The following TRMT9B variants were observed in gnomAD, a reference collection of about 807,000 sequenced individuals.
The protein encoded by TRMT9B is probable tRNA methyltransferase 9B.
Under a neutral mutation model 11.5 loss-of-function variants are expected in TRMT9B, and 16 were observed. The ratio of observed to expected loss-of-function variants is 1.39; its 90% CI spans 0.94 to 2.11. TRMT9B has a LOEUF of 2.11. Ranked by LOEUF, TRMT9B falls within the 30% of genes most tolerant of loss-of-function variation. The pLI is 0.00. For synonymous variants in TRMT9B, 274 were observed against 192.4 expected (o/e 1.42, Z -3.51); for missense variants, 941 against 553.8 (o/e 1.70, Z -7.02).
At chr8:12,992,379 G>A (rs969080553) in intron 2 of TRMT9B, among the ~76,000 whole-genome samples, 6 of 152,102 alleles carry the variant, frequency 3.9e-5, no homozygotes, top group African/African-American at 1.4e-4. Flanking sequence ...CTGGGGCCGG[G>A]CACAGTGGCT....
At chr8:12,968,899 CTTACACATAT>C (rs566312075) in intron 1 of TRMT9B, among the ~76,000 whole-genome samples, 183 of 152,288 alleles carry the variant, frequency 1.2e-3, no homozygotes, top group African/African-American at 4.2e-3. Context: ...TAAGCCTGCT[CTTACACATAT>C]TTATATAAAA....
In TRMT9B at chr8:13,021,088, C is replaced by T. The variant is rs772720165; in HGVS notation, c.409C>T (p.Leu137=). Residue 137 remains leucine (L), a synonymous_variant, in exon 5 of 5, where the codon CTG becomes TTG. Coordinates refer to ENST00000524591, the MANE Select transcript of TRMT9B (RefSeq NM_020844.3). ...CAGGGTCTTAGTTCCCGGAGGCCAACTGATGATTTACGTTTGGGCAATGGA... is the reference window on the plus strand; with the variant it reads ...CAGGGTCTTAGTTCCCGGAGGCCAATTGATGATTTACGTTTGGGCAATGGA... ...MARVLVPGGQ[L]MIYVWAMEQK... 1 of 1,608,714 alleles carries T rather than the reference C, an allele frequency of 6.2e-7. No individual in the cohort carries two copies. The highest frequency in any genetic ancestry group is 8.5e-7 in the Non-Finnish European group (1 of 1,177,106).
At chr8:12,960,468 T>G (rs1801953647) in intron 1 of TRMT9B, 1 of 152,124 alleles carries the variant, frequency 6.6e-6, no homozygotes, top group South Asian at 2.1e-4. Context: ...GGGTGAAGAC[T>G]GAAAAATGAA....
chr8:12,963,652 G>A (rs1354571402), intron 1 of TRMT9B, among the ~76,000 whole-genome samples: 50 of 152,152 alleles, frequency 3.3e-4, no homozygotes, highest in East Asian at 1.9e-4. Flanking sequence ...GGAGGCTTGA[G>A]CAGAGAGGAT....
chr8:12,974,328 G>A (rs1454848665), intron 1 of TRMT9B, among the ~76,000 whole-genome samples: 1 of 152,124 alleles, frequency 6.6e-6, no homozygotes, highest in Non-Finnish European at 1.5e-5. Context: ...CTTGATAGCA[G>A]CAGGTCCAAG....
rs1563481324 is a variant in TRMT9B at position 13,025,884 on chromosome 8, A to G, written c.*3840A>G. ...TAATTCCTCTGTCTTTTAAGTGACCATCAATTCAATAGGCAAAAATTTGGA... is the reference window on the plus strand; with the variant it reads ...TAATTCCTCTGTCTTTTAAGTGACCGTCAATTCAATAGGCAAAAATTTGGA... On this transcript the variant is annotated 3_prime_UTR_variant, in exon 5 of 5. Transcript: ENST00000524591. The G allele has an allele frequency of 6.0e-6, 1 of 166,832 alleles. No homozygotes were observed. The highest frequency in any genetic ancestry group is 2.4e-5 in the African/African-American group (1 of 41,460). The allele number at this position is 166,832 out of a possible 1,614,324, so 10.3% of individuals were successfully genotyped here.
At chr8:13,013,438 C>G (rs1188910656) in intron 4 of TRMT9B, among the ~76,000 whole-genome samples, 1 of 152,090 alleles carries the variant, frequency 6.6e-6, no homozygotes, top group East Asian at 1.9e-4. Flanking sequence ...TCATATCCTC[C>G]CAACAAGTGT....
rs758392933 is a variant in TRMT9B, at chr8:13,022,126, CA to C, written c.*83del. On this transcript the variant is annotated 3_prime_UTR_variant, in exon 5 of 5. Transcript: ENST00000524591. ...TGATATGGTTACCTGAATTTGCATT[CA>C]GTGTTATTTGTTAATCCATTTACGC... is the stretch of plus-strand genomic sequence containing the variant. 144 of 1,001,206 alleles carry C rather than the reference CA, an allele frequency of 1.4e-4. No homozygotes were observed. The highest frequency in any genetic ancestry group is 2.1e-4 in the Non-Finnish European group (144 of 686,054). 62.0% of individuals were successfully genotyped at this position (1,001,206 alleles called of 1,614,324 possible). A position where few individuals can be genotyped will look rare whatever the true frequency, so the allele number is the denominator to read the frequency against.
chr8:12,948,891 C>T (rs560284468), intron 1 of TRMT9B, among the ~76,000 whole-genome samples: 2 of 152,178 alleles, frequency 1.3e-5, no homozygotes, highest in East Asian at 1.9e-4. Context: ...ACCTGGGAGG[C>T]GGAGCTTGCA....
intron 2 of TRMT9B, among the ~76,000 whole-genome samples, chr8:13,002,428 G>A (rs1305245820): frequency 6.6e-6 from 1 of 152,184 alleles, no homozygotes; most frequent in Non-Finnish European, 1.5e-5. Context: ...TTTCTCTTGT[G>A]TGGGCAGTTA....
chr8:12,966,710 G>A (rs931123902), intron 1 of TRMT9B, among the ~76,000 whole-genome samples: 1 of 152,194 alleles, frequency 6.6e-6, no homozygotes, highest in African/African-American at 2.4e-5. Context: ...CAATGTATGA[G>A]AGTAAGAACT....
At chr8:13,013,557 G>C (rs971618096) in intron 4 of TRMT9B, among the ~76,000 whole-genome samples, 1 of 151,894 alleles carries the variant, frequency 6.6e-6, no homozygotes, top group Non-Finnish European at 1.5e-5. Flanking sequence ...AGGGAAACTT[G>C]ATATTTAATG....
At chr8:12,976,165 A>C (rs904069875) in intron 1 of TRMT9B, among the ~76,000 whole-genome samples, 4 of 152,160 alleles carry the variant, frequency 2.6e-5, no homozygotes, top group African/African-American at 9.7e-5. Flanking sequence ...GCCACTGCTG[A>C]GCTCCTGCTG....
At chr8:12,986,673 T>C (rs944631990) in intron 1 of TRMT9B, among the ~76,000 whole-genome samples, 11 of 152,236 alleles carry the variant, frequency 7.2e-5, no homozygotes, top group African/African-American at 2.7e-4. Context: ...TACCTTGTAT[T>C]CTTTCTTCTT....
In TRMT9B at chr8:13,024,120, T is replaced by C. The variant is rs187617080; in HGVS notation, c.*2076T>C. On this transcript the variant is annotated 3_prime_UTR_variant, in exon 5 of 5. Transcript: ENST00000524591. The stretch of plus-strand genomic sequence containing the variant: ...GTGCACTGGCGCGATCTCGGCTCAC[T>C]GTAAGCTCCGCCTCCCGGGTTCACG... 3 of 144,070 alleles carry C rather than the reference T, an allele frequency of 2.1e-5. No homozygotes were observed. Among genetic ancestry groups the C allele is most frequent in the Non-Finnish European group, 4.5e-5 (3 of 65,988 alleles). The allele number at this position is 144,070 out of a possible 1,614,324, so 8.9% of individuals were successfully genotyped here.
At chr8:12,982,319 C>T (rs931765608) in intron 1 of TRMT9B, among the ~76,000 whole-genome samples, 1 of 152,168 alleles carries the variant, frequency 6.6e-6, no homozygotes, top group Non-Finnish European at 1.5e-5. Context: ...CCTTGACAGA[C>T]CAGATTCTAC....
chr8:13,017,625 T>TTC (rs1435932239), intron 4 of TRMT9B, among the ~76,000 whole-genome samples: 2 of 149,300 alleles, frequency 1.3e-5, no homozygotes, highest in Admixed American at 1.3e-4. Context: ...TTTTTTTTTT[T>TTC]TTTTTTGAGA....
At chr8:13,012,432 G>T (rs1055068095) in intron 3 of TRMT9B, 11 of 457,084 alleles carry the variant, frequency 2.4e-5, no homozygotes, top group Admixed American at 5.1e-5. Context: ...AAAATTATCC[G>T]GTCATGGTGG....
chr8:12,999,512 AC>A (rs1809008590), intron 2 of TRMT9B, among the ~76,000 whole-genome samples: 1 of 152,174 alleles, frequency 6.6e-6, no homozygotes, highest in Non-Finnish European at 1.5e-5. Flanking sequence ...TGTCAATTAT[AC>A]CTAAATAAAA....
Sources: allele counts gnomAD v4.1 joint callset (sites outside exome capture counted in the v4.1 genomes callset), GRCh38; gene constraint gnomAD v4.1.1; transcripts MANE v1.5; gene names NCBI Gene and HGNC (gene_info 2026-07-23, HGNC 2026-07-21).